The following SLC9C2 variants were observed in gnomAD, a reference collection of about 807,000 sequenced individuals.
The protein encoded by SLC9C2 is solute carrier family 9 member C2 (putative), also known as sodium/hydrogen exchanger 11.
In SLC9C2, 75 loss-of-function variants were observed where a neutral mutation model predicts 140.2. The ratio of observed to expected loss-of-function variants is 0.53; its 90% CI spans 0.44 to 0.65. The LOEUF is 0.65. Ranked by LOEUF, SLC9C2 falls within the 30% of genes least tolerant of loss-of-function variation. The probability of loss-of-function intolerance (pLI) is 0.00; values close to 1 mark genes in which losing one functional copy is unlikely to be tolerated. For synonymous variants in SLC9C2, 375 were observed against 420.9 expected, an observed-to-expected ratio of 0.89 and a Z score of 1.34; for missense variants, 1,074 against 1,331.8, an observed-to-expected ratio of 0.81 and a Z score of 3.01.
intron 14 of SLC9C2, 144 bp downstream of exon 14, chr1:173,536,798 C>CAGATGGACAGACAGA (rs1455392534): frequency 1.8e-5 from 11 of 616,846 alleles, no homozygotes; most frequent in Non-Finnish European, 2.8e-5. Flanking sequence ...GAAGGACAGA[C>CAGATGGACAGACAGA]AGATGGACAG....
At chr1:173,517,984 G>C (rs558318423) in intron 22 of SLC9C2, among the ~76,000 whole-genome samples, 1 of 152,304 alleles carries the variant, frequency 6.6e-6, no homozygotes, top group East Asian at 1.9e-4. Flanking sequence ...ACCAGGGCTG[G>C]GCGCAGTGGC....
rs537456446 is a variant in SLC9C2, at chr1:173,589,348, G to A, written c.358-1518C>T. ...GAGGCAGGAGGATCGCTTGAGGCCA[G>A]AAGCCTAGAAAGCAGCCTGGACAAG... On this transcript the variant is annotated intron_variant, in intron 4 of 27. Coordinates refer to ENST00000367714, the MANE Select transcript of SLC9C2 (RefSeq NM_178527.4). Among the ~76,000 whole-genome samples the A allele has an allele frequency of 5.3e-5, 8 of 152,230 alleles. No homozygotes were observed. The South Asian group carries it at 1.7e-3, about 32-fold the overall frequency.
intron 5 of SLC9C2, among the ~76,000 whole-genome samples, chr1:173,586,261 C>A (rs969757700): frequency 6.6e-6 from 1 of 152,080 alleles, no homozygotes; most frequent in African/African-American, 2.4e-5. Flanking sequence ...TACCTTGTAA[C>A]AATTTAGAAC....
At chr1:173,564,762 C>T (rs1338388960) in intron 9 of SLC9C2, among the ~76,000 whole-genome samples, 13 of 149,234 alleles carry the variant, frequency 8.7e-5, no homozygotes, top group African/African-American at 2.7e-4. Flanking sequence ...CTCAGCCTCC[C>T]GAATAGCTGG....
At chr1:173,539,983 T>C (rs1335410231) in intron 13 of SLC9C2, among the ~76,000 whole-genome samples, 3 of 152,176 alleles carry the variant, frequency 2.0e-5, no homozygotes, top group Non-Finnish European at 2.9e-5. Flanking sequence ...TAATCTACTT[T>C]TCTACTCATT....
In SLC9C2 at chr1:173,550,872, A is replaced by AAGAGAGAGAGAGAGAGAG. The variant is rs143296396; in HGVS notation, c.1298-2338_1298-2321dup. ...CCTGGGCAAGATAGTGAGCCGTTGA[A>AAGAGAGAGAGAGAGAGAG]AGAGAGAGAGAGAGAGAGAGAGAGA... On this transcript the variant is annotated intron_variant, in intron 11 of 27. Coordinates refer to ENST00000367714, the MANE Select transcript of SLC9C2 (RefSeq NM_178527.4). 2.8e-3 allele frequency among the ~76,000 whole-genome samples: 240 copies of AAGAGAGAGAGAGAGAGAG among 86,492 alleles called. 14 individuals carry two copies. The highest frequency in any genetic ancestry group is 3.7e-3 in the African/African-American group (57 of 15,314). The allele number at this position is 86,492 out of a possible 152,430, so 56.7% of individuals were successfully genotyped here. A position where few individuals can be genotyped will look rare whatever the true frequency, so the allele number is the denominator to read the frequency against.
intron 9 of SLC9C2, among the ~76,000 whole-genome samples, chr1:173,564,694 G>A (rs1664341672): frequency 7.0e-6 from 1 of 143,582 alleles, no homozygotes; most frequent in South Asian, 2.2e-4. Flanking sequence ...CTGGAGTGCA[G>A]TGGCGCGATC....
chr1:173,528,239 T>A (rs1274954262), intron 18 of SLC9C2, among the ~76,000 whole-genome samples: 1 of 152,194 alleles, frequency 6.6e-6, no homozygotes, highest in Non-Finnish European at 1.5e-5. Context: ...CAGTTAGACA[T>A]CTAAACACAT....
chr1:173,576,703 T>G lies in SLC9C2; in HGVS notation c.860A>C (p.Asp287Ala), dbSNP rs760239066. 6.2e-6 allele frequency: 10 copies of G among 1,611,062 alleles called. No homozygotes were observed. The highest frequency in any genetic ancestry group is 3.3e-5 in the South Asian group (3 of 90,034). ...GATCTTCGGTTTAAAAGTTAAAGAA[T>G]CTAAATTCAGTCCTACAGCGGCTAA... ...LALAAVGLNL[D>A]SLTFKPKIEL... Residue 287 changes from aspartate (D) to alanine (A), a missense_variant, in exon 8 of 28, where the codon GAT becomes GCT. Transcript: ENST00000367714.
Position 173,545,784 on chromosome 1 carries a change from A to G in SLC9C2, c.1557+1905T>C, listed in dbSNP as rs193231102. 8.4e-4 allele frequency among the ~76,000 whole-genome samples: 128 copies of G among 152,336 alleles called. 1 individual carries two copies. Among genetic ancestry groups the G allele is most frequent in the African/African-American group, 3.0e-3 (126 of 41,588 alleles). On this transcript the variant is annotated intron_variant, in intron 13 of 27. Transcript: ENST00000367714. Reference sequence around the variant, plus strand: ...TGTGGAACAGTAAATATGGCCACAAATTCTGTGCATGTCTTACTATTAAGA... The same window carrying G: ...TGTGGAACAGTAAATATGGCCACAAGTTCTGTGCATGTCTTACTATTAAGA...
intron 4 of SLC9C2, among the ~76,000 whole-genome samples, chr1:173,589,338 C>A (rs1666029423): frequency 6.6e-6 from 1 of 152,106 alleles, no homozygotes; most frequent in Admixed American, 6.6e-5. Context: ...AGGAGGATCG[C>A]TTGAGGCCAG....
chr1:173,526,675 C>T lies in SLC9C2; in HGVS notation c.2353G>A (p.Val785Ile). The change falls in exon 19 of 28, where the codon GTC becomes ATC. Residue 785 changes from valine (V) to isoleucine (I), a missense_variant. Transcript: ENST00000367714. Reference protein sequence around the residue: ...EILETNKQDAVKELVLMEHEG... With the variant: ...EILETNKQDAIKELVLMEHEG... Reference sequence around the variant, plus strand: ...TTCAACTACCTACCTAATTCTTTGACAGCATCCTGTTTGTTGGTTTCCAAA... The same window carrying T: ...TTCAACTACCTACCTAATTCTTTGATAGCATCCTGTTTGTTGGTTTCCAAA... The T allele has an allele frequency of 6.3e-7, 1 of 1,595,334 alleles. No homozygotes were observed. The highest frequency in any genetic ancestry group is 2.3e-5 in the East Asian group (1 of 44,376).
At chr1:173,537,173 G>A (rs1273515797) in intron 13 of SLC9C2, 134 bp from the exon 14 acceptor site, 1 of 650,832 alleles carries the variant, frequency 1.5e-6, no homozygotes, top group Non-Finnish European at 2.7e-6. Context: ...AAATTATGTA[G>A]TAGGAAATAA....
intron 9 of SLC9C2, 92 bp from the exon 10 acceptor site, chr1:173,557,600 A>C: frequency 1.6e-6 from 2 of 1,254,310 alleles, no homozygotes; most frequent in Non-Finnish European, 2.2e-6. Flanking sequence ...AATTTAATAT[A>C]AAAATTTTCG....
At chr1:173,520,932 C>G (rs547259084) in intron 22 of SLC9C2, among the ~76,000 whole-genome samples, 1 of 152,326 alleles carries the variant, frequency 6.6e-6, no homozygotes, top group South Asian at 2.1e-4. Flanking sequence ...CTCTGTCTCT[C>G]TCTCTGGTCA....
At chr1:173,593,843 T>C (rs1056082963) in intron 4 of SLC9C2, among the ~76,000 whole-genome samples, 6 of 152,314 alleles carry the variant, frequency 3.9e-5, no homozygotes, top group Middle Eastern at 3.4e-3. Context: ...TAAATATATA[T>C]GTACCCAACA....
rs1660513348 is a variant in SLC9C2, at chr1:173,517,652, C to T, written c.2792G>A (p.Arg931Lys). 1 of 1,613,882 alleles carries T rather than the reference C, an allele frequency of 6.2e-7. No individual in the cohort carries two copies. The highest frequency in any genetic ancestry group is 1.7e-5 in the Admixed American group (1 of 60,000). ...FGIESNQRCD[R>K]GSRDMFTEFC... ...CTCTGTAAACATGTCTCTGGACCCT[C>T]TATCACACCTTTGATTACTCTCTAT... is the stretch of plus-strand genomic sequence containing the variant. The change falls in exon 23 of 28, where the codon AGA becomes AAA. Residue 931 changes from arginine to lysine, a missense_variant. Transcript: ENST00000367714.
At chr1:173,591,631 G>A (rs1666168752) in intron 4 of SLC9C2, among the ~76,000 whole-genome samples, 1 of 152,122 alleles carries the variant, frequency 6.6e-6, no homozygotes. Context: ...TATCAGTGAT[G>A]TTGAGCTTTT....
intron 16 of SLC9C2, 25 bp downstream of exon 16, chr1:173,534,459 A>G (rs745580856): frequency 1.3e-6 from 2 of 1,525,232 alleles, no homozygotes; most frequent in South Asian, 2.6e-5. Flanking sequence ...CTTTTTATAG[A>G]TTCTATTTCT....
Sources: allele counts gnomAD v4.1 joint callset (sites outside exome capture counted in the v4.1 genomes callset), GRCh38; gene constraint gnomAD v4.1.1; transcripts MANE v1.5; gene names NCBI Gene and HGNC (gene_info 2026-07-23, HGNC 2026-07-21).